BCL7A: variants seen among roughly 807,000 people sequenced by gnomAD.
BCL7A encodes B-cell CLL/lymphoma 7 protein family member A.
In BCL7A, 11 loss-of-function variants were observed where a neutral mutation model predicts 28.4. That is an observed-to-expected ratio of 0.39 (90% CI 0.24 to 0.64). The LOEUF (loss-of-function observed/expected upper bound fraction) is 0.64, where lower values mean the gene tolerates loss of function less well. Ranked by LOEUF, BCL7A falls within the 30% of genes least tolerant of loss-of-function variation. The pLI is 0.50. For synonymous variants in BCL7A, 123 were observed against 103.3 expected, an observed-to-expected ratio of 1.19 and a Z score of -1.15; for missense variants, 222 against 274.8, an observed-to-expected ratio of 0.81 and a Z score of 1.36.
At chr12:122,050,489 C>A (rs1475492628) in intron 4 of BCL7A, among the ~76,000 whole-genome samples, 1 of 152,222 alleles carries the variant, frequency 6.6e-6, no homozygotes, top group Non-Finnish European at 1.5e-5. Context: ...CCTCTCATCT[C>A]CCCTCATGGC....
In BCL7A at chr12:122,059,536, C is replaced by T. The variant is rs775190078; in HGVS notation, c.*373C>T. ...GGTACCGATCAGGAACGCTTTTTGGCGGGGCTTTCCACTGTTCAACCGATT... is the reference window on the plus strand; with the variant it reads ...GGTACCGATCAGGAACGCTTTTTGGTGGGGCTTTCCACTGTTCAACCGATT... On this transcript the variant is annotated 3_prime_UTR_variant, in exon 6 of 6. Transcript: ENST00000261822. This position sits in a 1 kb window ranked among gnomAD's most constrained non-coding sequence, Gnocchi z 4.0. The T allele has an allele frequency of 1.2e-5, 3 of 249,262 alleles. No individual in the cohort carries two copies. Among genetic ancestry groups the T allele is most frequent in the East Asian group, 5.8e-5 (1 of 17,214 alleles). 15.4% of individuals were successfully genotyped at this position (249,262 alleles called of 1,614,324 possible).
At chr12:122,044,220 TCAGA>T (rs746090979) in intron 4 of BCL7A, 167 bp downstream of exon 4, 12 of 796,402 alleles carry the variant, frequency 1.5e-5, no homozygotes, top group Middle Eastern at 3.8e-4. Flanking sequence ...ATTAAAAAAA[TCAGA>T]CAGGCCAGGT....
Position 122,060,190 on chromosome 12 carries a change from C to T in BCL7A, c.*1027C>T, listed in dbSNP as rs1951909274. 1 of 232,962 alleles carries T rather than the reference C, an allele frequency of 4.3e-6. No individual in the cohort carries two copies. The highest frequency in any genetic ancestry group is 8.5e-6 in the Non-Finnish European group (1 of 117,690). The allele number at this position is 232,962 out of a possible 1,614,324, so 14.4% of individuals were successfully genotyped here. ...TTCAAATCCACGGTCACCTGCTGCC[C>T]TTTGCCTCCCCCGACGCCCCAGCCT... On this transcript the variant is annotated 3_prime_UTR_variant, in exon 6 of 6. Transcript: ENST00000261822.
Position 122,059,021 on chromosome 12 carries a change from C to T in BCL7A, c.562-71C>T, listed in dbSNP as rs1459009229. Reference sequence around the variant, plus strand: ...CTCGGTTCCTTCCTTGGCTGACCTTCGGCCTCACGCCTGGCCTAACTTGCT... The same window carrying T: ...CTCGGTTCCTTCCTTGGCTGACCTTTGGCCTCACGCCTGGCCTAACTTGCT... On this transcript the variant is annotated intron_variant, in intron 5 of 5. Coordinates refer to ENST00000261822, the MANE Select transcript of BCL7A (RefSeq NM_001024808.3). This position sits in a 1 kb window ranked among gnomAD's most constrained non-coding sequence, Gnocchi z 4.0. The T allele has an allele frequency of 1.5e-5, 21 of 1,366,510 alleles. No homozygotes were observed. The highest frequency in any genetic ancestry group is 3.8e-4 in the Middle Eastern group (2 of 5,202). 84.6% of individuals were successfully genotyped at this position (1,366,510 alleles called of 1,614,324 possible).
intron 5 of BCL7A, among the ~76,000 whole-genome samples, chr12:122,055,399 G>GT (rs200750539): frequency 2.8e-3 from 421 of 152,314 alleles, no homozygotes; most frequent in Middle Eastern, 6.8e-3. Flanking sequence ...GTCTGAATGA[G>GT]TCAGCACAGG....
At position 122,059,151 on chromosome 12, in the gene BCL7A, C is replaced by T. The variant is rs756710599; in HGVS notation, c.621C>T (p.Ser207=). Residue 207 remains serine (S), a synonymous_variant, in exon 6 of 6, where the codon TCC becomes TCT. Coordinates refer to ENST00000261822, the MANE Select transcript of BCL7A (RefSeq NM_001024808.3). The surrounding 1 kb of genome is among the most constrained non-coding windows in gnomAD (Gnocchi z 4.0). ...KMKLEASQQN[S]EEM is the part of the protein sequence containing the mutation. ...AACTGGAGGCCTCTCAACAAAACTC[C>T]GAAGAGATGTAGACGATGCTTTAAA... is the stretch of plus-strand genomic sequence containing the variant. 44 of 1,611,538 alleles carry T rather than the reference C, an allele frequency of 2.7e-5. No individual in the cohort carries two copies. The highest frequency in any genetic ancestry group is 1.6e-4 in the Middle Eastern group (1 of 6,076).
At chr12:122,030,358 C>T (rs1883715712) in intron 1 of BCL7A, among the ~76,000 whole-genome samples, 3 of 152,238 alleles carry the variant, frequency 2.0e-5, no homozygotes, top group African/African-American at 4.8e-5. Flanking sequence ...CAGACAGGCG[C>T]GGGTGGCCCA....
intron 3 of BCL7A, among the ~76,000 whole-genome samples, chr12:122,039,460 T>G (rs1466925845): frequency 1.4e-5 from 2 of 144,558 alleles, no homozygotes; most frequent in Non-Finnish European, 3.0e-5. Context: ...CATTCCACTC[T>G]GGGCAACAGA....
At chr12:122,046,265 C>T (rs1884075358) in intron 4 of BCL7A, among the ~76,000 whole-genome samples, 2 of 152,084 alleles carry the variant, frequency 1.3e-5, no homozygotes, top group Middle Eastern at 3.4e-3. Context: ...AGTGGCTGAG[C>T]GGGTCTGGGG....
intron 4 of BCL7A, among the ~76,000 whole-genome samples, chr12:122,049,729 C>T (rs903154898): frequency 5.9e-5 from 9 of 152,046 alleles, no homozygotes; most frequent in African/African-American, 9.7e-5. Context: ...TAGGTGTTCC[C>T]GTCTTTTGTT....
rs543758190 is a variant in BCL7A at position 122,045,664 on chromosome 12, C to T, written c.439+1611C>T. Reference sequence around the variant, plus strand: ...GGCATAATACTGTCCTATATATCCACCTGCTGAACTTGGCAATTGTTGGCT... The same window carrying T: ...GGCATAATACTGTCCTATATATCCATCTGCTGAACTTGGCAATTGTTGGCT... On this transcript the variant is annotated intron_variant, in intron 4 of 5. Coordinates refer to ENST00000261822, the MANE Select transcript of BCL7A (RefSeq NM_001024808.3). Among the ~76,000 whole-genome samples the T allele has an allele frequency of 5.3e-5, 8 of 152,250 alleles. No individual in the cohort carries two copies. In the East Asian group the frequency reaches 7.7e-4, roughly 15 times the overall value.
At chr12:122,058,836 T>C (rs1951896046) in intron 5 of BCL7A, among the ~76,000 whole-genome samples, 1 of 152,142 alleles carries the variant, frequency 6.6e-6, no homozygotes, top group African/African-American at 2.4e-5. Flanking sequence ...TTACCAGCCA[T>C]TGGCATGTGA....
chr12:122,045,413 G>C (rs1350688468), intron 4 of BCL7A, among the ~76,000 whole-genome samples: 2 of 151,980 alleles, frequency 1.3e-5, no homozygotes, highest in African/African-American at 2.4e-5. Context: ...AATAATACGG[G>C]GTCAGACAGC....
intron 4 of BCL7A, 130 bp downstream of exon 4, chr12:122,044,183 A>G (rs950869169): frequency 2.8e-6 from 3 of 1,066,802 alleles, no homozygotes; most frequent in African/African-American, 3.2e-5. Flanking sequence ...GAGAGGTGAC[A>G]CCTGGAGTAC....
At chr12:122,025,112 T>C (rs2135837172) in intron 1 of BCL7A, among the ~76,000 whole-genome samples, 1 of 152,160 alleles carries the variant, frequency 6.6e-6, no homozygotes, top group East Asian at 1.9e-4. Flanking sequence ...TGGGCCTCTT[T>C]TTGGGAAACT....
In BCL7A at chr12:122,029,257, G is replaced by A. The variant is rs1303941110; in HGVS notation, c.93-1443G>A. Among the ~76,000 whole-genome samples the A allele has an allele frequency of 2.0e-5, 3 of 152,180 alleles. No individual in the cohort carries two copies. The highest frequency in any genetic ancestry group is 2.4e-5 in the African/African-American group (1 of 41,446). ...ATAATAAGAAAAGCCGGGCCGTAGC[G>A]TCCTCTGATGGAACACGTGGGACCC... On this transcript the variant is annotated intron_variant, in intron 1 of 5. Coordinates refer to ENST00000261822, the MANE Select transcript of BCL7A (RefSeq NM_001024808.3). The surrounding 1 kb of genome is among the most constrained non-coding windows in gnomAD (Gnocchi z 4.3).
chr12:122,035,524 T>G, intron 3 of BCL7A, 97 bp downstream of exon 3: 1 of 1,159,396 alleles, frequency 8.6e-7, no homozygotes, highest in Non-Finnish European at 1.3e-6. Flanking sequence ...TTGTTCACAT[T>G]CCAGGCAAGG....
At chr12:122,035,587 GC>G (rs897019063) in intron 3 of BCL7A, among the ~76,000 whole-genome samples, 160 bp downstream of exon 3, 17 of 152,246 alleles carry the variant, frequency 1.1e-4, no homozygotes, top group African/African-American at 4.1e-4. Flanking sequence ...AGAAGAGTCA[GC>G]GGAGGAGAGG....
chr12:122,039,891 G>A (rs927863090), intron 3 of BCL7A, among the ~76,000 whole-genome samples: 10 of 152,034 alleles, frequency 6.6e-5, no homozygotes, highest in Non-Finnish European at 1.0e-4. Context: ...ATAGAGACAG[G>A]GTCTTGCTAT....
Sources: gnomAD v4.1 joint callset for allele counts (sites outside exome capture counted in the v4.1 genomes callset) on GRCh38, gnomAD v4.1.1 for gene constraint, Gnocchi (gnomAD v3.1) non-coding constraint, MANE v1.5 for transcripts, NCBI Gene and HGNC (gene_info 2026-07-23, HGNC 2026-07-21) for gene names.